Variants in PKNOX2 observed in about 807,000 individuals in gnomAD.
PKNOX2 encodes homeobox protein PKNOX2.
In PKNOX2, 14 loss-of-function variants were observed where a neutral mutation model predicts 53.1. The observed-to-expected ratio is 0.26, with a 90% CI of 0.17 to 0.41. PKNOX2 has a LOEUF of 0.41. Among genes scored for constraint, PKNOX2 ranks in the 10% least tolerant of loss-of-function variants. The pLI is 1.00. For missense variants in PKNOX2, 496 were observed against 602.8 expected (o/e 0.82, Z 1.85); for synonymous variants, 257 against 242.8 (o/e 1.06, Z -0.54).
chr11:125,326,540 A>C (rs1278565107), intron 2 of PKNOX2, among the ~76,000 whole-genome samples: 1 of 152,230 alleles, frequency 6.6e-6, no homozygotes, highest in African/African-American at 2.4e-5. Context: ...ACTTTTGAGC[A>C]GAGGAGAAAC....
chr11:125,425,969 G>A (rs947782474), intron 10 of PKNOX2, among the ~76,000 whole-genome samples: 12 of 152,202 alleles, frequency 7.9e-5, no homozygotes, highest in Admixed American at 5.2e-4. Context: ...GTGGTTAGGG[G>A]CTTTCTATCC....
intron 2 of PKNOX2, among the ~76,000 whole-genome samples, chr11:125,287,307 G>T (rs2135885930): frequency 6.6e-6 from 1 of 152,288 alleles, no homozygotes; most frequent in Admixed American, 6.5e-5. Flanking sequence ...CCATTGGAAA[G>T]AAAAGTAGCA....
At chr11:125,364,707 C>T (rs1387082608) in intron 4 of PKNOX2, among the ~76,000 whole-genome samples, 2 of 152,206 alleles carry the variant, frequency 1.3e-5, no homozygotes, top group Admixed American at 6.5e-5. Flanking sequence ...TAATAACAAC[C>T]TCTCCTCCAT....
intron 10 of PKNOX2, among the ~76,000 whole-genome samples, chr11:125,414,214 G>C (rs1347776553): frequency 1.3e-5 from 2 of 152,190 alleles, no homozygotes; most frequent in African/African-American, 2.4e-5. Flanking sequence ...GCTGAGCACA[G>C]AGTGAGGCAG....
chr11:125,424,321 CT>C (rs1956305051), intron 10 of PKNOX2, among the ~76,000 whole-genome samples: 1 of 152,080 alleles, frequency 6.6e-6, no homozygotes. Flanking sequence ...TCTCGGGTGA[CT>C]TATTGTGCTT....
intron 7 of PKNOX2, among the ~76,000 whole-genome samples, chr11:125,399,218 T>C (rs564635383): frequency 6.6e-6 from 1 of 152,350 alleles, no homozygotes; most frequent in East Asian, 1.9e-4. Context: ...TTCCTCTTCC[T>C]CTCGCTTGAA....
At chr11:125,340,271 C>T (rs145983543) in intron 3 of PKNOX2, among the ~76,000 whole-genome samples, 4 of 152,146 alleles carry the variant, frequency 2.6e-5, no homozygotes, top group Non-Finnish European at 4.4e-5. Context: ...CTTGGAAAAT[C>T]AGGGCATAGG....
chr11:125,342,924 C>G (rs1457194241), intron 3 of PKNOX2, among the ~76,000 whole-genome samples: 103 of 152,124 alleles, frequency 6.8e-4, no homozygotes, highest in Admixed American at 6.7e-3. Context: ...GCCTCAAGCT[C>G]TCTTCTTTCC....
At chr11:125,269,054 G>A (rs1945580025) in intron 2 of PKNOX2, among the ~76,000 whole-genome samples, 1 of 152,304 alleles carries the variant, frequency 6.6e-6, no homozygotes, top group African/African-American at 2.4e-5. Flanking sequence ...TGACCACAAA[G>A]TGTCTCATGG....
chr11:125,291,122 G>A (rs890488275), intron 2 of PKNOX2, among the ~76,000 whole-genome samples: 1 of 152,182 alleles, frequency 6.6e-6, no homozygotes, highest in African/African-American at 2.4e-5. Context: ...GGCTGGTCCT[G>A]CAGAAAGAAT....
intron 1 of PKNOX2, among the ~76,000 whole-genome samples, chr11:125,216,958 C>T (rs1388329441): frequency 1.3e-5 from 2 of 151,772 alleles, no homozygotes; most frequent in African/African-American, 4.8e-5. Flanking sequence ...TGTGCATGTG[C>T]GTGAAATTAG....
At chr11:125,389,418 C>A (rs572018945) in intron 6 of PKNOX2, among the ~76,000 whole-genome samples, 7 of 152,334 alleles carry the variant, frequency 4.6e-5, no homozygotes, top group East Asian at 1.9e-4. Flanking sequence ...CCACACTCTA[C>A]CTCCCCATTT....
chr11:125,168,666 C>A (rs118105687), intron 1 of PKNOX2, among the ~76,000 whole-genome samples: 617 of 152,320 alleles, frequency 4.1e-3, no homozygotes, highest in Non-Finnish European at 6.1e-3. Flanking sequence ...GAAAGCAAAA[C>A]GGCTGGATTT....
At chr11:125,350,296 C>G (rs1951224346) in intron 3 of PKNOX2, among the ~76,000 whole-genome samples, 1 of 152,194 alleles carries the variant, frequency 6.6e-6, no homozygotes, top group Non-Finnish European at 1.5e-5. Context: ...AAGAGGAAAT[C>G]TTGAGGCTTC....
At chr11:125,320,886 G>T (rs546703879) in intron 2 of PKNOX2, among the ~76,000 whole-genome samples, 1 of 152,278 alleles carries the variant, frequency 6.6e-6, no homozygotes, top group East Asian at 1.9e-4. Context: ...TGCTTTGCCT[G>T]GCATGGTCTC....
intron 6 of PKNOX2, among the ~76,000 whole-genome samples, chr11:125,390,756 C>T (rs925604014): frequency 6.6e-6 from 1 of 152,212 alleles, no homozygotes; most frequent in Non-Finnish European, 1.5e-5. Context: ...CCTCCTTCCT[C>T]GGTACCACTT....
At chr11:125,318,166 G>A (rs923881621) in intron 2 of PKNOX2, among the ~76,000 whole-genome samples, 1 of 152,012 alleles carries the variant, frequency 6.6e-6, no homozygotes, top group African/African-American at 2.4e-5. Flanking sequence ...GAATACAATG[G>A]TGCAATCTCG....
chr11:125,379,606 G>A (rs556712841), intron 5 of PKNOX2, among the ~76,000 whole-genome samples: 4 of 152,202 alleles, frequency 2.6e-5, no homozygotes, highest in African/African-American at 7.2e-5. Context: ...GCTCTCCAAG[G>A]CTTTGGTGTT....
At chr11:125,389,239 G>A (rs141189226) in intron 6 of PKNOX2, among the ~76,000 whole-genome samples, 4 of 151,902 alleles carry the variant, frequency 2.6e-5, no homozygotes, top group Admixed American at 6.5e-5. Context: ...GGAGAAGCAC[G>A]CCCTATCTCC....
Sources: allele counts gnomAD v4.1 joint callset (sites outside exome capture counted in the v4.1 genomes callset), GRCh38; gene constraint gnomAD v4.1.1; transcripts MANE v1.5; gene names NCBI Gene and HGNC (gene_info 2026-07-23, HGNC 2026-07-21).